Variants in KCNQ4 observed in about 807,000 individuals in gnomAD.
KCNQ4 encodes the protein potassium voltage-gated channel subfamily KQT member 4.
In KCNQ4, 31 loss-of-function variants were observed where a neutral mutation model predicts 72.6. That is an observed-to-expected ratio of 0.43 (90% CI 0.32 to 0.58). The LOEUF is 0.58. Ranked by LOEUF, KCNQ4 falls within the 20% of genes least tolerant of loss-of-function variation. The pLI is 0.08. For synonymous variants in KCNQ4, 405 were observed against 403.7 expected (o/e 1.00, Z -0.04); for missense variants, 869 against 962.6 (o/e 0.90, Z 1.29).
chr1:40,806,946 G>A (rs1394425452), intron 1 of KCNQ4, among the ~76,000 whole-genome samples: 1 of 152,204 alleles, frequency 6.6e-6, no homozygotes, highest in African/African-American at 2.4e-5. Context: ...GGAGAGTGCT[G>A]TGGAGCCAAC....
At chr1:40,801,345 C>T (rs1328332848) in intron 1 of KCNQ4, among the ~76,000 whole-genome samples, 1 of 152,222 alleles carries the variant, frequency 6.6e-6, no homozygotes. Context: ...TGCCCTAGGT[C>T]TCCAGGCTGG....
chr1:40,789,287 G>A (rs914350856), intron 1 of KCNQ4, among the ~76,000 whole-genome samples: 1 of 152,162 alleles, frequency 6.6e-6, no homozygotes, highest in East Asian at 1.9e-4. Context: ...CTCATCCAAG[G>A]TCACACCTAG....
chr1:40,824,088 C>G lies in KCNQ4; in HGVS notation c.1131-9C>G, dbSNP rs779293689. ...CCCTGCCTGCCACTGATGGTGCCCT[C>G]TCCTGCAGAGAGCTGGCCCTCTTGT... On this transcript the variant is annotated splice_polypyrimidine_tract_variant and intron_variant, in intron 8 of 13. Coordinates refer to ENST00000347132, the MANE Select transcript of KCNQ4 (RefSeq NM_004700.4). 11 of 1,550,580 alleles carry G rather than the reference C, an allele frequency of 7.1e-6. No homozygotes were observed. Among genetic ancestry groups the G allele is most frequent in the South Asian group, 1.2e-5 (1 of 84,088 alleles).
intron 1 of KCNQ4, among the ~76,000 whole-genome samples, chr1:40,797,121 C>A (rs905385204): frequency 6.6e-6 from 1 of 152,220 alleles, no homozygotes; most frequent in East Asian, 1.9e-4. Flanking sequence ...ATGAATCAGA[C>A]CTTCCTCTGC....
chr1:40,786,125 G>T (rs1215771500), intron 1 of KCNQ4, among the ~76,000 whole-genome samples: 1 of 152,080 alleles, frequency 6.6e-6, no homozygotes, highest in Non-Finnish European at 1.5e-5. Flanking sequence ...TACTTCTTAG[G>T]AGTGGCTACA....
At chr1:40,826,830 C>T in intron 9 of KCNQ4, 1 of 356,270 alleles carries the variant, frequency 2.8e-6, no homozygotes, top group South Asian at 2.0e-5. Flanking sequence ...GCCCAGTGAA[C>T]CCCTCGCCTT....
chr1:40,806,699 G>GAGA (rs3070274), intron 1 of KCNQ4, among the ~76,000 whole-genome samples: 112,445 of 151,854 alleles, frequency 0.74, 42,053 homozygotes, highest in Non-Finnish European at 0.79. Context: ...GGTAAGGAAA[G>GAGA]AGAATTCTTT....
In KCNQ4 at chr1:40,818,641, C is replaced by G; in HGVS notation, c.669C>G (p.Thr223=). Residue 223 remains threonine, a synonymous_variant, in exon 4 of 14, where the codon ACC becomes ACG. Coordinates refer to ENST00000347132, the MANE Select transcript of KCNQ4 (RefSeq NM_004700.4). ...RMVRMDRRGG[T]WKLLGSVVYA... is the part of the protein sequence containing the mutation. ...TGCGCATGGACCGCCGCGGCGGCAC[C>G]TGGAAGCTGCTGGGCTCAGTGGTCT... 1 of 1,606,218 alleles carries G rather than the reference C, an allele frequency of 6.2e-7. No homozygotes were observed. Among genetic ancestry groups the G allele is most frequent in the African/African-American group, 1.3e-5 (1 of 75,008 alleles).
intron 1 of KCNQ4, among the ~76,000 whole-genome samples, chr1:40,811,087 G>T (rs1055395663): frequency 6.6e-6 from 1 of 152,154 alleles, no homozygotes; most frequent in Non-Finnish European, 1.5e-5. Flanking sequence ...CCTTATCAGG[G>T]TGATGATGGT....
At chr1:40,810,071 G>T (rs1203476161) in intron 1 of KCNQ4, among the ~76,000 whole-genome samples, 2 of 118,872 alleles carry the variant, frequency 1.7e-5, no homozygotes, top group East Asian at 4.9e-4. Flanking sequence ...AAAAAAAAAA[G>T]AACTCTACAA....
chr1:40,814,241 G>A (rs1342395407), intron 1 of KCNQ4, among the ~76,000 whole-genome samples: 1 of 149,668 alleles, frequency 6.7e-6, no homozygotes, highest in Non-Finnish European at 1.5e-5. Context: ...TTTAGTAGAG[G>A]CGGGGTTTCA....
chr1:40,820,244 C>T lies in KCNQ4; in HGVS notation c.1025C>T (p.Ala342Val). The stretch of plus-strand genomic sequence containing the variant: ...CACTTCGAGAAGCGGAGGATGCCGG[C>T]AGCCAACCTCATCCAGGTACAAGAT... ...QKHFEKRRMP[A>V]ANLIQAAWRL... is the part of the protein sequence containing the mutation. The change falls in exon 7 of 14, where the codon GCA becomes GTA. Residue 342 changes from alanine (A) to valine (V), a missense_variant. Transcript: ENST00000347132. 6.2e-7 allele frequency: 1 copy of T among 1,606,226 alleles called. No individual in the cohort carries two copies. The highest frequency in any genetic ancestry group is 8.5e-7 in the Non-Finnish European group (1 of 1,176,526).
In KCNQ4 at chr1:40,818,610, G is replaced by A. The variant is rs1214286132; in HGVS notation, c.638G>A (p.Arg213His). 6.2e-7 allele frequency: 1 copy of A among 1,606,714 alleles called. No homozygotes were observed. The highest frequency in any genetic ancestry group is 2.2e-5 in the East Asian group (1 of 44,832). Reference sequence around the variant, plus strand: ...AGCATGCGCTTCCTGCAGATCCTGCGCATGGTGCGCATGGACCGCCGCGGC... The same window carrying A: ...AGCATGCGCTTCCTGCAGATCCTGCACATGGTGCGCATGGACCGCCGCGGC... ...LRSMRFLQIL[R>H]MVRMDRRGGT... is the part of the protein sequence containing the mutation. The change falls in exon 4 of 14, where the codon CGC becomes CAC. Residue 213 changes from arginine (R) to histidine (H), a missense_variant. Physicochemically the swap from Arg to His is conservative, Grantham distance 29. Around this residue, in one of 5 missense-constraint regions of KCNQ4, gnomAD observed 179 missense variants for 243.0 expected, o/e 0.74. Coordinates refer to ENST00000347132, the MANE Select transcript of KCNQ4 (RefSeq NM_004700.4).
At chr1:40,832,868 A>G (rs951968879) in intron 10 of KCNQ4, 146 bp from the exon 11 acceptor site, 5 of 552,844 alleles carry the variant, frequency 9.0e-6, no homozygotes, top group Admixed American at 8.7e-5. Flanking sequence ...GCAGTGAGAC[A>G]CAGGAGCCCC....
At chr1:40,786,197 C>T (rs897307707) in intron 1 of KCNQ4, among the ~76,000 whole-genome samples, 21 of 152,228 alleles carry the variant, frequency 1.4e-4, no homozygotes, top group African/African-American at 4.8e-4. Flanking sequence ...CTGTGCCCTC[C>T]GTGGGCTCCT....
chr1:40,787,677 G>C (rs1429860508), intron 1 of KCNQ4, among the ~76,000 whole-genome samples: 1 of 150,010 alleles, frequency 6.7e-6, no homozygotes, highest in African/African-American at 2.5e-5. Flanking sequence ...TGGACCCTCA[G>C]TCTGATCACC....
At chr1:40,837,517 C>A in intron 12 of KCNQ4, 148 bp from the exon 13 acceptor site, 3 of 1,035,684 alleles carry the variant, frequency 2.9e-6, no homozygotes, top group South Asian at 1.7e-5. Context: ...CCACCCTCAA[C>A]TCAGCCTCCA....
At chr1:40,826,586 C>A (rs1648484111) in intron 9 of KCNQ4, 2 of 440,216 alleles carry the variant, frequency 4.5e-6, no homozygotes, top group Non-Finnish European at 4.7e-6. Flanking sequence ...ACACTCTGCC[C>A]ACAGCCCCTT....
intron 1 of KCNQ4, among the ~76,000 whole-genome samples, chr1:40,807,420 C>T (rs1333207826): frequency 2.6e-5 from 4 of 152,170 alleles, no homozygotes; most frequent in African/African-American, 4.8e-5. Flanking sequence ...GAAGCAGCAG[C>T]GGCAGTGGCG....
Sources: gnomAD v4.1 joint callset for allele counts (sites outside exome capture counted in the v4.1 genomes callset) on GRCh38, gnomAD v4.1.1 for gene constraint, gnomAD v4.1.1 regional missense constraint, MANE v1.5 for transcripts, NCBI Gene and HGNC (gene_info 2026-07-23, HGNC 2026-07-21) for gene names.